Variants in THEM4 observed in about 807,000 individuals in gnomAD.
THEM4 encodes the protein acyl-coenzyme A thioesterase THEM4.
Under a neutral mutation model 25.0 loss-of-function variants are expected in THEM4, and 22 were observed. The observed-to-expected ratio is 0.88, with a 90% confidence interval of 0.63 to 1.26. The LOEUF is 1.26. THEM4 is among the 50% of genes most tolerant of loss of function. The pLI is 0.00. For synonymous variants in THEM4, 113 were observed against 105.6 expected (o/e 1.07, Z -0.43); for missense variants, 286 against 300.3 (o/e 0.95, Z 0.35).
chr1:151,903,001 C>G (rs969837968), intron 1 of THEM4, among the ~76,000 whole-genome samples: 13 of 152,006 alleles, frequency 8.6e-5, no homozygotes, highest in African/African-American at 3.1e-4. Flanking sequence ...AACAAACAAA[C>G]AAAAAACTCT....
At chr1:151,896,839 AG>A (rs1163354600) in intron 1 of THEM4, among the ~76,000 whole-genome samples, 1 of 152,202 alleles carries the variant, frequency 6.6e-6, no homozygotes, top group Non-Finnish European at 1.5e-5. Flanking sequence ...AAGGAGGGTA[AG>A]GGAAAAAGAG....
At chr1:151,895,252 A>G (rs747562794) in intron 1 of THEM4, 58 bp from the exon 2 acceptor site, 13 of 1,357,530 alleles carry the variant, frequency 9.6e-6, no homozygotes, top group Non-Finnish European at 1.2e-5. Context: ...ATTTCATAAC[A>G]TATTCTCCCA....
intron 5 of THEM4, among the ~76,000 whole-genome samples, chr1:151,875,264 G>A (rs761963962): frequency 3.9e-5 from 6 of 152,202 alleles, no homozygotes; most frequent in African/African-American, 7.2e-5. Context: ...ACAAACCACA[G>A]CCTGGAATGG....
At chr1:151,888,219 G>A (rs1480844971) in intron 4 of THEM4, 54 bp downstream of exon 4, 2 of 1,420,760 alleles carry the variant, frequency 1.4e-6, no homozygotes, top group African/African-American at 2.8e-5. Context: ...ATCTGCAACT[G>A]GGAACCTGAC....
At position 151,873,100 on chromosome 1, in the gene THEM4, G is replaced by A. The variant is rs571327967; in HGVS notation, c.*1788C>T. On this transcript the variant is annotated 3_prime_UTR_variant, in exon 6 of 6. Transcript: ENST00000368814. ...CACCCTGTGGCTGGAGCCAAGATACGCTGGCGGCAATGCTGCTGTTACTCT... is the reference window on the plus strand; with the variant it reads ...CACCCTGTGGCTGGAGCCAAGATACACTGGCGGCAATGCTGCTGTTACTCT... Among the ~76,000 whole-genome samples, 32 of 152,278 alleles carry A rather than the reference G, an allele frequency of 2.1e-4. No individual in the cohort carries two copies. The South Asian group carries it at 5.8e-3, about 28-fold the overall frequency.
intron 4 of THEM4, among the ~76,000 whole-genome samples, chr1:151,887,780 G>A (rs572336658): frequency 2.6e-5 from 4 of 152,186 alleles, no homozygotes; most frequent in African/African-American, 9.6e-5. Context: ...GCACTGCTGG[G>A]CCCAGCTAAA....
At chr1:151,892,777 T>C (rs975094475) in intron 2 of THEM4, among the ~76,000 whole-genome samples, 1 of 152,062 alleles carries the variant, frequency 6.6e-6, no homozygotes, top group Non-Finnish European at 1.5e-5. Context: ...AATTAAGAAG[T>C]TGTCAACTTC....
chr1:151,894,742 G>C (rs1654180270), intron 2 of THEM4: 5 of 591,552 alleles, frequency 8.5e-6, no homozygotes, highest in Non-Finnish European at 1.5e-5. Flanking sequence ...GTTGTAGGAG[G>C]GTGGAAGCTC....
At position 151,875,056 on chromosome 1, in the gene THEM4, A is replaced by G. The variant is rs143491659; in HGVS notation, c.683-128T>C. The G allele has an allele frequency of 5.0e-5, 39 of 778,666 alleles. No individual in the cohort carries two copies. The East Asian group carries it at 9.8e-4, about 20-fold the overall frequency. 48.2% of individuals were successfully genotyped at this position (778,666 alleles called of 1,614,324 possible). A position where few individuals can be genotyped will look rare whatever the true frequency, so the allele number is the denominator to read the frequency against. On this transcript the variant is annotated intron_variant, in intron 5 of 5. Coordinates refer to ENST00000368814, the MANE Select transcript of THEM4 (RefSeq NM_053055.5). ...ATTTGTAGCTTCAGTCTATCTGTCC[A>G]CTCTCATTTTTCAGCCAAATTAAGA...
chr1:151,897,620 C>T (rs186428794), intron 1 of THEM4, among the ~76,000 whole-genome samples: 111 of 152,240 alleles, frequency 7.3e-4, no homozygotes, highest in African/African-American at 2.6e-3. Flanking sequence ...TCTTCAAAAT[C>T]GTATTAGCTG....
At chr1:151,890,260 G>A in intron 2 of THEM4, 1 of 453,108 alleles carries the variant, frequency 2.2e-6, no homozygotes, top group Non-Finnish European at 4.5e-6. Context: ...CATATACTCT[G>A]GGTAAGTAAT....
chr1:151,874,647 T>G lies in THEM4; in HGVS notation c.*241A>C. The G allele has an allele frequency of 1.8e-6, 1 of 566,896 alleles. No individual in the cohort carries two copies. The highest frequency in any genetic ancestry group is 3.1e-5 in the Admixed American group (1 of 31,822). 35.1% of individuals were successfully genotyped at this position (566,896 alleles called of 1,614,324 possible). ...GCCTCGGCCTCCTAAAGTGCTGGGA[T>G]TATAGGTGTGAGCCACAGCGCCTGG... On this transcript the variant is annotated 3_prime_UTR_variant, in exon 6 of 6. Transcript: ENST00000368814.
At chr1:151,896,090 T>G (rs1654218019) in intron 1 of THEM4, among the ~76,000 whole-genome samples, 1 of 151,438 alleles carries the variant, frequency 6.6e-6, no homozygotes, top group Admixed American at 6.6e-5. Flanking sequence ...CCTCCTGGGT[T>G]CAAGTGATTC....
In THEM4 at chr1:151,889,183, TAGATCCACACTTTC is replaced by T. The variant is rs1558191052; in HGVS notation, c.446+17_446+30del. The stretch of plus-strand genomic sequence containing the variant: ...GGGGCAGTGTAAGATAAAAATCTTT[TAGATCCACACTTTC>T]AGGCTATCATTCTTACCCAGGTGGT... On this transcript the variant is annotated intron_variant, in intron 3 of 5. Transcript: ENST00000368814. 1 of 1,605,154 alleles carries T rather than the reference TAGATCCACACTTTC, an allele frequency of 6.2e-7. No homozygotes were observed. Among genetic ancestry groups the T allele is most frequent in the South Asian group, 1.1e-5 (1 of 90,560 alleles).
chr1:151,876,560 A>G (rs1164599085), intron 5 of THEM4, among the ~76,000 whole-genome samples: 2 of 150,966 alleles, frequency 1.3e-5, no homozygotes, highest in Non-Finnish European at 2.9e-5. Context: ...GGAGCCTCCC[A>G]TCTCAGCCTC....
intron 3 of THEM4, 56 bp downstream of exon 3, chr1:151,889,158 G>C: frequency 6.7e-7 from 1 of 1,482,308 alleles, no homozygotes; most frequent in Non-Finnish European, 9.4e-7. Context: ...AGGACACATG[G>C]GGGCAGTGTA....
chr1:151,889,985 C>A (rs972910139), intron 2 of THEM4: 2 of 209,452 alleles, frequency 9.5e-6, no homozygotes, highest in Admixed American at 1.0e-4. Context: ...CAGCTCACCG[C>A]AACCTCCGCC....
chr1:151,896,686 G>A (rs1450058159), intron 1 of THEM4, among the ~76,000 whole-genome samples: 1 of 152,158 alleles, frequency 6.6e-6, no homozygotes, highest in East Asian at 1.9e-4. Context: ...TAAATGGGGG[G>A]TAACATGATT....
chr1:151,893,147 A>C (rs1654129668), intron 2 of THEM4, among the ~76,000 whole-genome samples: 3 of 152,078 alleles, frequency 2.0e-5, no homozygotes, highest in Non-Finnish European at 4.4e-5. Context: ...AAGGTGGGGC[A>C]GATCACTTGA....
Sources: gnomAD v4.1 joint callset for allele counts (sites outside exome capture counted in the v4.1 genomes callset) on GRCh38, gnomAD v4.1.1 for gene constraint, MANE v1.5 for transcripts, NCBI Gene and HGNC (gene_info 2026-07-23, HGNC 2026-07-21) for gene names.